Variants in NFKB1 observed in about 807,000 individuals in gnomAD.
The protein encoded by NFKB1 is nuclear factor kappa B subunit 1, also known as nuclear factor NF-kappa-B p105 subunit.
In NFKB1, 9 loss-of-function variants were observed where a neutral mutation model predicts 105.1. The observed-to-expected ratio is 0.09, with a 90% CI of 0.05 to 0.15. The LOEUF is 0.15. Ranked by LOEUF, NFKB1 falls within the 10% of genes least tolerant of loss-of-function variation. The pLI, the probability that NFKB1 is intolerant of heterozygous loss-of-function variation, is 1.00. For synonymous variants in NFKB1, 440 were observed against 442.2 expected, an observed-to-expected ratio of 1.00 and a Z score of 0.06; for missense variants, 830 against 1,203.7, an observed-to-expected ratio of 0.69 and a Z score of 4.59.
chr4:102,504,165 A>G (rs920302037), intron 1 of NFKB1, among the ~76,000 whole-genome samples: 3 of 152,154 alleles, frequency 2.0e-5, no homozygotes, highest in Non-Finnish European at 4.4e-5. Context: ...AAATAATTGT[A>G]TCTGAGTTGC....
At chr4:102,585,472 G>C (rs899420255) in intron 11 of NFKB1, among the ~76,000 whole-genome samples, 1 of 152,136 alleles carries the variant, frequency 6.6e-6, no homozygotes, top group Non-Finnish European at 1.5e-5. Flanking sequence ...AAAAAATCAG[G>C]CTTGCTGTTT....
At chr4:102,607,399 A>T in intron 18 of NFKB1, 80 bp downstream of exon 18, 2 of 1,468,880 alleles carry the variant, frequency 1.4e-6, no homozygotes, top group Non-Finnish European at 1.9e-6. Flanking sequence ...GGAAGTCAGT[A>T]GCTGCTGTTC....
At chr4:102,524,139 T>A (rs1740745185) in intron 1 of NFKB1, among the ~76,000 whole-genome samples, 1 of 152,074 alleles carries the variant, frequency 6.6e-6, no homozygotes. Flanking sequence ...CTAAATAAAT[T>A]TAAATAAAAT....
chr4:102,520,120 C>A (rs1332024182), intron 1 of NFKB1, among the ~76,000 whole-genome samples: 1 of 152,162 alleles, frequency 6.6e-6, no homozygotes, highest in Non-Finnish European at 1.5e-5. Flanking sequence ...CCAGCTGTGA[C>A]AGGCAAAAAT....
intron 1 of NFKB1, among the ~76,000 whole-genome samples, chr4:102,517,455 G>C (rs1740265718): frequency 6.6e-6 from 1 of 151,980 alleles, no homozygotes; most frequent in African/African-American, 2.4e-5. Context: ...AATTAATACA[G>C]TATTACTTAA....
chr4:102,571,840 G>T (rs1339143346), intron 6 of NFKB1, among the ~76,000 whole-genome samples: 1 of 152,218 alleles, frequency 6.6e-6, no homozygotes, highest in Non-Finnish European at 1.5e-5. Context: ...AACAACAGGT[G>T]CTGGAGAGGT....
In NFKB1 at chr4:102,594,892, G is replaced by T. The variant is rs1197135991; in HGVS notation, c.1211G>T (p.Gly404Val). 1.2e-6 allele frequency: 2 copies of T among 1,606,310 alleles called. No homozygotes were observed. Among genetic ancestry groups the T allele is most frequent in the South Asian group, 2.2e-5 (2 of 90,494 alleles). The change falls in exon 13 of 24, where the codon GGG becomes GTG. Residue 404 changes from glycine (G) to valine (V), a missense_variant and splice_region_variant. Around this residue, in one of 8 missense-constraint regions of NFKB1, gnomAD observed 163 missense variants for 164.3 expected, o/e 0.99. Coordinates refer to ENST00000226574, the MANE Select transcript of NFKB1 (RefSeq NM_003998.4). ...TCATTTGTTTTACTTGCCGTTTCAG[G>T]GTATAGCTTCCCACACTATGGATTT... ...GGGGTGSTGPGYSFPHYGFPT... is the reference protein window; with the variant it reads ...GGGGTGSTGPVYSFPHYGFPT...
intron 1 of NFKB1, among the ~76,000 whole-genome samples, chr4:102,521,731 G>A (rs925181014): frequency 2.0e-5 from 3 of 152,094 alleles, no homozygotes; most frequent in African/African-American, 7.2e-5. Flanking sequence ...CAGTCCTACA[G>A]CCTTCACCAA....
rs762739703 is a variant in NFKB1 at position 102,607,327 on chromosome 4, G to A, written c.2124+8G>A. Reference sequence around the variant, plus strand: ...GGCTGCCTGCTCCTGGAGGTGAAGGGCACACTTATTTGCTTTTGCATTAAA... The same window carrying A: ...GGCTGCCTGCTCCTGGAGGTGAAGGACACACTTATTTGCTTTTGCATTAAA... On this transcript the variant is annotated splice_region_variant and intron_variant, in intron 18 of 23. Transcript: ENST00000226574. 2 of 1,607,218 alleles carry A rather than the reference G, an allele frequency of 1.2e-6. No individual in the cohort carries two copies. The highest frequency in any genetic ancestry group is 4.5e-5 in the East Asian group (2 of 44,752).
At chr4:102,570,291 A>C (rs1218049405) in intron 6 of NFKB1, among the ~76,000 whole-genome samples, 2 of 152,156 alleles carry the variant, frequency 1.3e-5, no homozygotes, top group African/African-American at 4.8e-5. Context: ...GCTCCCACTT[A>C]CAAGTGAGAA....
intron 11 of NFKB1, among the ~76,000 whole-genome samples, chr4:102,590,256 A>G (rs1402752612): frequency 6.6e-6 from 1 of 152,162 alleles, no homozygotes; most frequent in Non-Finnish European, 1.5e-5. Context: ...ACCATCCCCT[A>G]CACATTATTT....
chr4:102,502,388 G>GCGCGCA (rs1553925897), intron 1 of NFKB1, among the ~76,000 whole-genome samples: 8 of 96,802 alleles, frequency 8.3e-5, no homozygotes, highest in African/African-American at 5.8e-4. Flanking sequence ...GCGCGCGCGC[G>GCGCGCA]CGCACACACA....
chr4:102,502,390 GCACACA>G (rs754187388), intron 1 of NFKB1, among the ~76,000 whole-genome samples: 5,103 of 105,390 alleles, frequency 0.048, 173 homozygotes, highest in Middle Eastern at 0.11. Flanking sequence ...GCGCGCGCGC[GCACACA>G]CACACACACA....
Position 102,529,819 on chromosome 4 carries a change from A to G in NFKB1, c.40-17A>G. ...GGAAAAATAATGATTGAAACATTTA[A>G]ATGTTCTTCTTTACAGATGTTTCAT... On this transcript the variant is annotated splice_polypyrimidine_tract_variant and intron_variant, in intron 2 of 23. Coordinates refer to ENST00000226574, the MANE Select transcript of NFKB1 (RefSeq NM_003998.4). The G allele has an allele frequency of 6.5e-7, 1 of 1,536,670 alleles. No individual in the cohort carries two copies. Among genetic ancestry groups the G allele is most frequent in the Non-Finnish European group, 8.9e-7 (1 of 1,118,498 alleles).
chr4:102,550,647 T>G (rs1356891961), intron 5 of NFKB1, among the ~76,000 whole-genome samples: 4 of 152,226 alleles, frequency 2.6e-5, no homozygotes, highest in African/African-American at 9.6e-5. Flanking sequence ...AAAAATAGAA[T>G]AGTTTTAGAA....
rs568905459 is a variant in NFKB1 at position 102,538,582 on chromosome 4, C to T, written c.258+626C>T. The stretch of plus-strand genomic sequence containing the variant: ...GTGGCCCTCTTGGAATGAACTGCTA[C>T]GTGACATGCTGGTGGTGTATTTGGT... On this transcript the variant is annotated intron_variant, in intron 5 of 23. Coordinates refer to ENST00000226574, the MANE Select transcript of NFKB1 (RefSeq NM_003998.4). 2.4e-4 allele frequency among the ~76,000 whole-genome samples: 37 copies of T among 152,286 alleles called. No homozygotes were observed. The South Asian group carries it at 7.0e-3, about 29-fold the overall frequency.
intron 1 of NFKB1, among the ~76,000 whole-genome samples, chr4:102,502,358 C>A (rs1447559519): frequency 1.4e-5 from 2 of 143,632 alleles, no homozygotes; most frequent in Non-Finnish European, 3.0e-5. Context: ...TCTCTCTCTC[C>A]CCCCTCCCCC....
chr4:102,596,368 C>G, intron 14 of NFKB1, 36 bp downstream of exon 14: 1 of 1,554,878 alleles, frequency 6.4e-7, no homozygotes, highest in Non-Finnish European at 8.8e-7. Flanking sequence ...TGTTGGTTGG[C>G]TGGGGAGGGG....
intron 12 of NFKB1, among the ~76,000 whole-genome samples, chr4:102,594,027 T>C (rs926266751): frequency 6.6e-5 from 10 of 152,212 alleles, no homozygotes; most frequent in Admixed American, 4.6e-4. Flanking sequence ...TGTTATAGTA[T>C]ATATTTGTAA....
Sources: gnomAD v4.1 joint callset for allele counts (sites outside exome capture counted in the v4.1 genomes callset) on GRCh38, gnomAD v4.1.1 for gene constraint, gnomAD v4.1.1 regional missense constraint, MANE v1.5 for transcripts, NCBI Gene and HGNC (gene_info 2026-07-23, HGNC 2026-07-21) for gene names.